CHODL: variants seen among roughly 807,000 people sequenced by gnomAD.
CHODL encodes the protein transmembrane protein MT75.
In CHODL, 29 loss-of-function variants were observed where a neutral mutation model predicts 34.5. That is an observed-to-expected ratio of 0.84 (90% CI 0.63 to 1.15). The LOEUF is 1.15. CHODL is among the 50% of genes most tolerant of loss of function. The pLI is 0.00. For missense variants in CHODL, 332 were observed against 332.5 expected (o/e 1.00, Z 0.01); for synonymous variants, 125 against 116.1 (o/e 1.08, Z -0.49).
At chr21:18,102,455 A>G (rs1401744243) in intron 2 of CHODL, among the ~76,000 whole-genome samples, 19 of 152,194 alleles carry the variant, frequency 1.2e-4, no homozygotes, top group Admixed American at 1.2e-3. Flanking sequence ...TTAAGAGGGT[A>G]GTGAGCAAGG....
intron 2 of CHODL, among the ~76,000 whole-genome samples, chr21:18,222,331 T>C (rs1192691147): frequency 6.6e-6 from 1 of 152,044 alleles, no homozygotes; most frequent in Non-Finnish European, 1.5e-5. Flanking sequence ...TGTGGGTCCC[T>C]GAGGATTTGG....
At chr21:18,040,091 TATC>T (rs964613299) in intron 2 of CHODL, among the ~76,000 whole-genome samples, 4 of 151,872 alleles carry the variant, frequency 2.6e-5, no homozygotes, top group African/African-American at 9.7e-5. Flanking sequence ...TCAAACCTCT[TATC>T]ATAATTGAGT....
chr21:17,944,863 G>GACA (rs1431597325), intron 1 of CHODL, among the ~76,000 whole-genome samples: 1 of 152,308 alleles, frequency 6.6e-6, no homozygotes, highest in African/African-American at 2.4e-5. Context: ...CAGATGCACA[G>GACA]ACAACAACAT....
At chr21:18,016,400 G>A (rs1323858999) in intron 1 of CHODL, among the ~76,000 whole-genome samples, 1 of 152,192 alleles carries the variant, frequency 6.6e-6, no homozygotes, top group Non-Finnish European at 1.5e-5. Flanking sequence ...AAGAGTTGAA[G>A]CTTGGAAGCC....
chr21:17,943,111 T>C (rs866019523), intron 1 of CHODL, among the ~76,000 whole-genome samples: 12 of 152,242 alleles, frequency 7.9e-5, no homozygotes, highest in African/African-American at 2.9e-4. Flanking sequence ...CAGTTTCATT[T>C]AGTTCTTTTT....
chr21:17,930,317 C>G (rs1363018886), intron 1 of CHODL, among the ~76,000 whole-genome samples: 1 of 152,224 alleles, frequency 6.6e-6, no homozygotes, highest in Non-Finnish European at 1.5e-5. Context: ...TGCATTCTGC[C>G]CTGGGGCTCC....
intron 2 of CHODL, among the ~76,000 whole-genome samples, chr21:18,187,900 T>C (rs2073462597): frequency 6.6e-6 from 1 of 152,174 alleles, no homozygotes; most frequent in African/African-American, 2.4e-5. Context: ...TCATCTTTTT[T>C]CTTTGTTTAC....
At chr21:18,242,333 CT>C (rs746665662), upstream of CHODL, among the ~76,000 whole-genome samples, 11 of 152,104 alleles carry the variant, frequency 7.2e-5, no homozygotes, top group Non-Finnish European at 1.5e-4. Context: ...ATATTTGTTG[CT>C]TTCCCCCAAC....
chr21:18,145,555 A>G lies in CHODL; in HGVS notation c.-44-110954A>G, dbSNP rs148831153. 4.0e-4 allele frequency among the ~76,000 whole-genome samples: 61 copies of G among 152,084 alleles called. No homozygotes were observed. In the East Asian group the frequency reaches 0.01, roughly 26 times the overall value. ...TTGTTTTTTCTGAATGCTTGCTTATATAGCATAGAATGGAGGGTGGGCTGT... is the reference window on the plus strand; with the variant it reads ...TTGTTTTTTCTGAATGCTTGCTTATGTAGCATAGAATGGAGGGTGGGCTGT... On this transcript the variant is annotated intron_variant, in intron 2 of 6. Transcript: ENST00000400127.
intron 2 of CHODL, among the ~76,000 whole-genome samples, chr21:18,122,940 G>C (rs115189600): frequency 4.9e-4 from 75 of 152,236 alleles, no homozygotes; most frequent in African/African-American, 1.5e-3. Context: ...GTTTGTGTAC[G>C]TTTACACAAT....
rs1412744247 is a variant in CHODL at position 18,008,099 on chromosome 21, A to G, written c.-144-19773A>G. ...AGTAAAATGTGTTAAGTTGAAAAAC[A>G]TTTACTTTTTTTTTACTGTGGTGAA... is the stretch of plus-strand genomic sequence containing the variant. On this transcript the variant is annotated intron_variant, in intron 1 of 6. Transcript: ENST00000400127. Among the ~76,000 whole-genome samples the G allele has an allele frequency of 1.1e-4, 16 of 151,876 alleles. No individual in the cohort carries two copies. The East Asian group carries it at 1.9e-3, about 18-fold the overall frequency.
At chr21:18,147,459 T>G (rs575824511) in intron 2 of CHODL, among the ~76,000 whole-genome samples, 1 of 152,362 alleles carries the variant, frequency 6.6e-6, no homozygotes, top group African/African-American at 2.4e-5. Context: ...TGTGGCTAAA[T>G]CTGCTAAATA....
At chr21:18,110,442 C>A (rs2065334203) in intron 2 of CHODL, among the ~76,000 whole-genome samples, 1 of 152,156 alleles carries the variant, frequency 6.6e-6, no homozygotes, top group Non-Finnish European at 1.5e-5. Context: ...TAAGAGACTG[C>A]AATTTCTGCC....
At chr21:18,150,206 G>T (rs752652428) in intron 2 of CHODL, among the ~76,000 whole-genome samples, 1 of 152,140 alleles carries the variant, frequency 6.6e-6, no homozygotes, top group Non-Finnish European at 1.5e-5. Flanking sequence ...AAAGATTGTG[G>T]AGACCAAAGT....
intron 2 of CHODL, among the ~76,000 whole-genome samples, chr21:18,064,530 G>T (rs1475298922): frequency 6.6e-6 from 1 of 152,150 alleles, no homozygotes; most frequent in Non-Finnish European, 1.5e-5. Context: ...CTGGGACATT[G>T]GTCTTTTCCT....
chr21:18,232,012 T>C (rs1266456681), intron 2 of CHODL, among the ~76,000 whole-genome samples: 1 of 152,008 alleles, frequency 6.6e-6, no homozygotes, highest in Non-Finnish European at 1.5e-5. Flanking sequence ...TATGCGGAAA[T>C]TTAGCTCAGA....
chr21:18,173,563 G>A (rs1008481735), intron 2 of CHODL, among the ~76,000 whole-genome samples: 1 of 152,142 alleles, frequency 6.6e-6, no homozygotes, highest in Admixed American at 6.5e-5. Context: ...ACAAGAGCAA[G>A]TTCTTGTAAA....
intron 1 of CHODL, among the ~76,000 whole-genome samples, chr21:18,006,362 A>G (rs1466265457): frequency 2.0e-5 from 3 of 151,912 alleles, no homozygotes; most frequent in African/African-American, 4.8e-5. Flanking sequence ...AAAAGAAAAA[A>G]AAAAAAGAAA....
intron 2 of CHODL, among the ~76,000 whole-genome samples, chr21:18,177,018 C>T (rs1252129086): frequency 6.6e-6 from 1 of 151,828 alleles, no homozygotes; most frequent in Non-Finnish European, 1.5e-5. Flanking sequence ...TGCAGAGAGT[C>T]TTGAGCTATG....
Sources: gnomAD v4.1 joint callset for allele counts (sites outside exome capture counted in the v4.1 genomes callset) on GRCh38, gnomAD v4.1.1 for gene constraint, MANE v1.5 for transcripts, NCBI Gene and HGNC (gene_info 2026-07-23, HGNC 2026-07-21) for gene names.